The following TNFSF4 variants were observed in gnomAD, a reference collection of about 807,000 sequenced individuals.
The protein encoded by TNFSF4 is tumor necrosis factor ligand superfamily member 4.
Under a neutral mutation model 7.3 loss-of-function variants are expected in TNFSF4, and 4 were observed. The observed-to-expected ratio is 0.55, with a 90% confidence interval of 0.27 to 1.25. The LOEUF (loss-of-function observed/expected upper bound fraction) is 1.25, where lower values mean the gene tolerates loss of function less well. Ranked by LOEUF, TNFSF4 falls within the 50% of genes most tolerant of loss-of-function variation. The pLI is 0.12. For synonymous variants in TNFSF4, 76 were observed against 83.7 expected (o/e 0.91, Z 0.50); for missense variants, 181 against 208.8 (o/e 0.87, Z 0.82).
At chr1:173,423,659 G>A in the TNFSF4 span, among the ~76,000 whole-genome samples, 4 of 152,306 alleles carry the variant, frequency 2.6e-5, no homozygotes, top group South Asian at 8.3e-4. Context: ...ATATGGGGTA[G>A]GAAGGAGAAC....
intron 1 of TNFSF4, 114 bp downstream of exon 1, chr1:173,206,910 G>GA (rs1161952048): frequency 4.8e-5 from 60 of 1,253,170 alleles, no homozygotes; most frequent in Non-Finnish European, 5.3e-5. Flanking sequence ...TGGGGAGAGG[G>GA]AAAAAAAACT....
At chr1:173,182,240 A>AG (rs111656394), downstream of TNFSF4, among the ~76,000 whole-genome samples, 16,152 of 145,554 alleles carry the variant, frequency 0.11, 1,017 homozygotes, top group African/African-American at 0.19. Flanking sequence ...TTCAACTGAT[A>AG]GAAAAAATAA....
At chr1:173,203,548 T>C (rs1650040955) in intron 1 of TNFSF4, among the ~76,000 whole-genome samples, 1 of 152,188 alleles carries the variant, frequency 6.6e-6, no homozygotes, top group Admixed American at 6.5e-5. Flanking sequence ...CCTCTTTCTC[T>C]TATTAAATGA....
the TNFSF4 span, among the ~76,000 whole-genome samples, chr1:173,399,173 T>G: frequency 1.3e-5 from 2 of 148,430 alleles, no homozygotes; most frequent in Non-Finnish European, 2.9e-5. Flanking sequence ...GAGGCACAAG[T>G]AAGTAATATG....
downstream of TNFSF4, among the ~76,000 whole-genome samples, chr1:173,179,707 A>G (rs1419666335): frequency 6.6e-6 from 1 of 152,322 alleles, no homozygotes; most frequent in East Asian, 1.9e-4. Context: ...ATATTCTCTA[A>G]CTTAAGTGAT....
chr1:173,265,748 G>T, the TNFSF4 span, among the ~76,000 whole-genome samples: 1 of 151,902 alleles, frequency 6.6e-6, no homozygotes, highest in Non-Finnish European at 1.5e-5. Context: ...ATTTCAATTC[G>T]ACTGGGAATG....
At chr1:173,314,665 G>C in the TNFSF4 span, among the ~76,000 whole-genome samples, 1 of 152,124 alleles carries the variant, frequency 6.6e-6, no homozygotes, top group Non-Finnish European at 1.5e-5. Flanking sequence ...AAAAGACAGA[G>C]ATGCAGCCAC....
At chr1:173,425,644 C>CA in the TNFSF4 span, among the ~76,000 whole-genome samples, 1 of 152,154 alleles carries the variant, frequency 6.6e-6, no homozygotes, top group Non-Finnish European at 1.5e-5. Context: ...ATCATAAAAA[C>CA]AGACAGAAAA....
chr1:173,255,819 G>T, the TNFSF4 span, among the ~76,000 whole-genome samples: 1 of 152,108 alleles, frequency 6.6e-6, no homozygotes, highest in African/African-American at 2.4e-5. Flanking sequence ...TTTTATCTGT[G>T]CCCCCACCTC....
At chr1:173,345,643 A>C in the TNFSF4 span, among the ~76,000 whole-genome samples, 9 of 152,362 alleles carry the variant, frequency 5.9e-5, no homozygotes, top group South Asian at 1.4e-3. Flanking sequence ...AGGGTAAAGA[A>C]TGTTCACTAA....
the TNFSF4 span, among the ~76,000 whole-genome samples, chr1:173,264,528 A>G: frequency 6.6e-6 from 1 of 152,068 alleles, no homozygotes; most frequent in African/African-American, 2.4e-5. Flanking sequence ...ATTCAAGTAT[A>G]TTTTCTTCCA....
the TNFSF4 span, among the ~76,000 whole-genome samples, chr1:173,173,969 C>T: frequency 1.3e-4 from 20 of 152,348 alleles, no homozygotes; most frequent in Admixed American, 2.6e-4. Flanking sequence ...GAATTTCTCC[C>T]CAGAAAATGG....
the TNFSF4 span, among the ~76,000 whole-genome samples, chr1:173,421,057 T>A: frequency 2.6e-5 from 4 of 152,084 alleles, no homozygotes; most frequent in African/African-American, 7.3e-5. Context: ...AACCTAACTG[T>A]GGTATTATTT....
the TNFSF4 span, among the ~76,000 whole-genome samples, chr1:173,413,206 GAGAA>G: frequency 2.5e-4 from 38 of 152,326 alleles, no homozygotes; most frequent in African/African-American, 8.9e-4. Flanking sequence ...ATAGGAGAGA[GAGAA>G]AGACAGAGAC....
the TNFSF4 span, among the ~76,000 whole-genome samples, chr1:173,367,860 T>C: frequency 5.9e-5 from 9 of 152,300 alleles, no homozygotes; most frequent in South Asian, 1.9e-3. Context: ...CAGCATTTCA[T>C]ACTGAGAGGT....
the TNFSF4 span, among the ~76,000 whole-genome samples, chr1:173,349,614 A>C: frequency 6.6e-6 from 1 of 152,202 alleles, no homozygotes; most frequent in South Asian, 2.1e-4. Context: ...GCCTTGGTTA[A>C]ACTCAAAAGA....
In TNFSF4 at chr1:173,186,336, A is replaced by G; in HGVS notation, c.*180T>C. The G allele has an allele frequency of 1.8e-6, 1 of 563,352 alleles. No individual in the cohort carries two copies. Among genetic ancestry groups the G allele is most frequent in the Non-Finnish European group, 3.1e-6 (1 of 319,290 alleles). The allele number at this position is 563,352 out of a possible 1,614,324, so 34.9% of individuals were successfully genotyped here. On this transcript the variant is annotated 3_prime_UTR_variant, in exon 3 of 3. Transcript: ENST00000281834. ...AAGGATAAATAAGATTAACTGGTAT[A>G]TAAAATAAGTTTTAAATATCCCTGA... is the stretch of plus-strand genomic sequence containing the variant.
the TNFSF4 span, among the ~76,000 whole-genome samples, chr1:173,331,964 T>C: frequency 6.6e-6 from 1 of 152,200 alleles, no homozygotes; most frequent in African/African-American, 2.4e-5. Flanking sequence ...AGGTGCTACT[T>C]GGCATCTAGT....
At chr1:173,244,366 G>A in the TNFSF4 span, among the ~76,000 whole-genome samples, 1 of 152,052 alleles carries the variant, frequency 6.6e-6, no homozygotes, top group African/African-American at 2.4e-5. Context: ...AACCCGGCCG[G>A]GCGCGGTGGC....
Sources: gnomAD v4.1 joint callset for allele counts (sites outside exome capture counted in the v4.1 genomes callset) on GRCh38, gnomAD v4.1.1 for gene constraint, MANE v1.5 for transcripts, NCBI Gene and HGNC (gene_info 2026-07-23, HGNC 2026-07-21) for gene names.